The following COL26A1 variants were observed in gnomAD, a reference collection of about 807,000 sequenced individuals.
The protein encoded by COL26A1 is collagen alpha-1(XXVI) chain.
COL26A1 carries 41 observed loss-of-function variants against 59.3 expected under a neutral mutation model. The observed-to-expected ratio is 0.69, with a 90% CI of 0.54 to 0.90. The LOEUF (loss-of-function observed/expected upper bound fraction) is 0.90. COL26A1 is among the 40% of genes least tolerant of loss of function. COL26A1 has a pLI of 0.00. For synonymous variants in COL26A1, 266 were observed against 256.0 expected (o/e 1.04, Z -0.37); for missense variants, 612 against 602.3 (o/e 1.02, Z -0.17).
intron 3 of COL26A1, among the ~76,000 whole-genome samples, chr7:101,457,210 A>G (rs566929496): frequency 6.6e-6 from 1 of 152,258 alleles, no homozygotes; most frequent in East Asian, 1.9e-4. Flanking sequence ...GTGATGAGTC[A>G]TGAGTCCGGG....
At chr7:101,465,331 C>T (rs141190915) in intron 3 of COL26A1, among the ~76,000 whole-genome samples, 52 of 152,282 alleles carry the variant, frequency 3.4e-4, no homozygotes, top group African/African-American at 1.2e-3. Context: ...TGAGCCACCA[C>T]GCCCAGGCTC....
chr7:101,435,315 TC>T, intron 2 of COL26A1, among the ~76,000 whole-genome samples: 1 of 152,082 alleles, frequency 6.6e-6, no homozygotes, highest in Non-Finnish European at 1.5e-5. Context: ...AGACTCCATC[TC>T]AATAAAAAAA....
chr7:101,548,754 C>T (rs1166430390), intron 8 of COL26A1, among the ~76,000 whole-genome samples: 3 of 151,932 alleles, frequency 2.0e-5, no homozygotes, highest in African/African-American at 4.8e-5. Context: ...CTCTTGGGGG[C>T]CATAGGAAGG....
intron 2 of COL26A1, among the ~76,000 whole-genome samples, chr7:101,428,314 C>T (rs1221685939): frequency 1.4e-5 from 2 of 147,754 alleles, no homozygotes; most frequent in African/African-American, 2.5e-5. Flanking sequence ...GCTATGATTG[C>T]GCCACTGCAC....
chr7:101,501,684 CA>C (rs1437215932), intron 3 of COL26A1, among the ~76,000 whole-genome samples: 1 of 152,202 alleles, frequency 6.6e-6, no homozygotes, highest in African/African-American at 2.4e-5. Flanking sequence ...GGTTCATCCC[CA>C]TGGTGCCCAG....
At chr7:101,513,750 G>A (rs1480182320) in intron 3 of COL26A1, among the ~76,000 whole-genome samples, 1 of 152,142 alleles carries the variant, frequency 6.6e-6, no homozygotes, top group Non-Finnish European at 1.5e-5. Flanking sequence ...GGAGTTAAAG[G>A]AATAAAAGGC....
intron 3 of COL26A1, among the ~76,000 whole-genome samples, chr7:101,463,710 TTTC>T (rs1387080715): frequency 2.7e-5 from 1 of 37,312 alleles, no homozygotes; most frequent in African/African-American, 1.2e-4. Flanking sequence ...TCTCTCTTTC[TTTC>T]TTTTTTCCCC....
intron 3 of COL26A1, among the ~76,000 whole-genome samples, chr7:101,498,504 G>A (rs1794634905): frequency 6.6e-6 from 1 of 152,094 alleles, no homozygotes; most frequent in Non-Finnish European, 1.5e-5. Flanking sequence ...GGGAGCCCCG[G>A]TTTCTCACAC....
At chr7:101,463,549 CT>C (rs112245814) in intron 3 of COL26A1, among the ~76,000 whole-genome samples, 58,644 of 119,628 alleles carry the variant, frequency 0.49, 15,344 homozygotes, top group African/African-American at 0.62. Flanking sequence ...CTTCCCTCCC[CT>C]TTTCTTTTTC....
In COL26A1 at chr7:101,416,798, G is replaced by C. The variant is rs144608350; in HGVS notation, c.159-3179G>C. Among the ~76,000 whole-genome samples the C allele has an allele frequency of 2.6e-3, 367 of 143,484 alleles. 22 individuals are homozygous for C. The highest frequency in any genetic ancestry group is 8.7e-3 in the African/African-American group (354 of 40,624). 94.1% of individuals were successfully genotyped at this position (143,484 alleles called of 152,430 possible). ...TCTGTCACCCAGTGTGGAGTGCAGC[G>C]GTGCGATCATGGCTCACTGCAGTCT... is the stretch of plus-strand genomic sequence containing the variant. On this transcript the variant is annotated intron_variant, in intron 1 of 12. Transcript: ENST00000313669.
At chr7:101,385,862 GC>G (rs1441167543) in intron 1 of COL26A1, among the ~76,000 whole-genome samples, 1 of 151,726 alleles carries the variant, frequency 6.6e-6, no homozygotes, top group African/African-American at 2.4e-5. Context: ...CCACCACCAC[GC>G]CCGGCTAATT....
At chr7:101,542,497 G>T (rs566654138) in intron 5 of COL26A1, among the ~76,000 whole-genome samples, 1 of 152,326 alleles carries the variant, frequency 6.6e-6, no homozygotes, top group African/African-American at 2.4e-5. Flanking sequence ...CACCCCTGGG[G>T]TCACCCAGCA....
At chr7:101,430,552 G>C (rs575477887) in intron 2 of COL26A1, among the ~76,000 whole-genome samples, 1 of 151,294 alleles carries the variant, frequency 6.6e-6, no homozygotes, top group Non-Finnish European at 1.5e-5. Flanking sequence ...GCTTCCCAAA[G>C]TGCTGGGATT....
At chr7:101,445,951 G>C (rs1477711093) in intron 2 of COL26A1, among the ~76,000 whole-genome samples, 1 of 149,422 alleles carries the variant, frequency 6.7e-6, no homozygotes, top group Non-Finnish European at 1.5e-5. Flanking sequence ...GGGAGGCTGA[G>C]GCAGGAGAAT....
At chr7:101,377,629 G>A (rs182926111) in intron 1 of COL26A1, among the ~76,000 whole-genome samples, 3 of 152,076 alleles carry the variant, frequency 2.0e-5, no homozygotes, top group East Asian at 1.9e-4. Flanking sequence ...GTCTTGCAAC[G>A]TTGCCCAAGC....
intron 6 of COL26A1, 75 bp downstream of exon 6, chr7:101,544,171 C>A: frequency 2.6e-6 from 3 of 1,156,480 alleles, no homozygotes; most frequent in Non-Finnish European, 2.5e-6. Flanking sequence ...CTGGAACAGG[C>A]GAGGTGTCCC....
chr7:101,447,837 G>A (rs1484655357), intron 3 of COL26A1, 50 bp downstream of exon 3: 2 of 1,183,134 alleles, frequency 1.7e-6, no homozygotes, highest in East Asian at 2.5e-5. Flanking sequence ...GGGCCAGGCT[G>A]GAGTTTCTCC....
intron 2 of COL26A1, among the ~76,000 whole-genome samples, chr7:101,437,741 A>ATTT (rs1301445389): frequency 1.7e-4 from 24 of 139,386 alleles, no homozygotes; most frequent in African/African-American, 5.0e-4. Flanking sequence ...CACCCCACTA[A>ATTT]TTTTTTTTTT....
intron 9 of COL26A1, among the ~76,000 whole-genome samples, chr7:101,550,023 T>G (rs1294371389): frequency 6.6e-6 from 1 of 152,142 alleles, no homozygotes; most frequent in Non-Finnish European, 1.5e-5. Context: ...TGGCAGGTAG[T>G]GAGCAATGGA....
Sources: gnomAD v4.1 joint callset for allele counts (sites outside exome capture counted in the v4.1 genomes callset) on GRCh38, gnomAD v4.1.1 for gene constraint, MANE v1.5 for transcripts, NCBI Gene and HGNC (gene_info 2026-07-23, HGNC 2026-07-21) for gene names.